AKAP19: variants seen among roughly 807,000 people sequenced by gnomAD.
AKAP19 encodes the protein A-kinase anchoring protein 19, also known as small A-kinase anchoring protein.
At chr2:190,138,639 T>C in the AKAP19 span, among the ~76,000 whole-genome samples, 1 of 152,230 alleles carries the variant, frequency 6.6e-6, no homozygotes, top group African/African-American at 2.4e-5. Context: ...ACCCACTTCC[T>C]CTGTGCCCTC....
chr2:190,138,181 T>C, the AKAP19 span, among the ~76,000 whole-genome samples: 85 of 152,348 alleles, frequency 5.6e-4, no homozygotes, highest in Non-Finnish European at 9.4e-4. Flanking sequence ...GCCTTCTTTG[T>C]GTAGTTACTA....
At chr2:190,081,151 T>C in the AKAP19 span, among the ~76,000 whole-genome samples, 1 of 152,044 alleles carries the variant, frequency 6.6e-6, no homozygotes, top group Non-Finnish European at 1.5e-5. Context: ...GTAAAGAAAA[T>C]GTTCATCAGT....
chr2:190,187,309 G>A, the AKAP19 span, among the ~76,000 whole-genome samples: 1 of 151,964 alleles, frequency 6.6e-6, no homozygotes, highest in Non-Finnish European at 1.5e-5. Context: ...ACATAAAATG[G>A]GACAATGGTA....
the AKAP19 span, among the ~76,000 whole-genome samples, chr2:190,192,776 CAT>C: frequency 1.3e-5 from 2 of 152,030 alleles, no homozygotes; most frequent in South Asian, 4.1e-4. Flanking sequence ...CCTAAGTGTT[CAT>C]GTTTTTGATG....
At chr2:190,191,075 C>T in the AKAP19 span, among the ~76,000 whole-genome samples, 2 of 152,130 alleles carry the variant, frequency 1.3e-5, no homozygotes, top group African/African-American at 2.4e-5. Flanking sequence ...TATTGGTGTA[C>T]ATTAACATCT....
the AKAP19 span, among the ~76,000 whole-genome samples, chr2:189,951,729 G>A: frequency 6.6e-6 from 1 of 152,160 alleles, no homozygotes; most frequent in Non-Finnish European, 1.5e-5. Flanking sequence ...CTTCGTTTTA[G>A]AATAGCATTT....
chr2:190,169,875 A>G, the AKAP19 span, among the ~76,000 whole-genome samples: 1 of 152,136 alleles, frequency 6.6e-6, no homozygotes. Context: ...ATAGCCTTAA[A>G]CTGGTACAGG....
chr2:190,059,109 A>G, the AKAP19 span, among the ~76,000 whole-genome samples: 3 of 151,914 alleles, frequency 2.0e-5, no homozygotes, highest in Admixed American at 6.6e-5. Flanking sequence ...TGCTAATTAT[A>G]TCATCTTTAT....
the AKAP19 span, among the ~76,000 whole-genome samples, chr2:190,101,400 T>C: frequency 6.6e-6 from 1 of 152,156 alleles, no homozygotes; most frequent in Non-Finnish European, 1.5e-5. Context: ...GGGTACCCTA[T>C]CCTGCTCCCC....
the AKAP19 span, among the ~76,000 whole-genome samples, chr2:189,916,690 A>G: frequency 6.6e-6 from 1 of 152,188 alleles, no homozygotes; most frequent in Non-Finnish European, 1.5e-5. Context: ...AATGTTACAT[A>G]ATATGGAATC....
the AKAP19 span, among the ~76,000 whole-genome samples, chr2:190,155,951 G>A: frequency 2.0e-5 from 3 of 152,210 alleles, no homozygotes; most frequent in East Asian, 1.9e-4. Context: ...TCAAGTAAAT[G>A]TAATACAATT....
At chr2:189,939,788 A>G in the AKAP19 span, among the ~76,000 whole-genome samples, 1 of 152,186 alleles carries the variant, frequency 6.6e-6, no homozygotes, top group Non-Finnish European at 1.5e-5. Flanking sequence ...TTCACTAGGA[A>G]CTCTTAAGAG....
the AKAP19 span, among the ~76,000 whole-genome samples, chr2:190,016,978 A>G: frequency 2.0e-5 from 3 of 152,254 alleles, no homozygotes; most frequent in Middle Eastern, 3.4e-3. Flanking sequence ...TTGAGTACAT[A>G]TGTATTTATG....
At chr2:190,085,040 C>A in the AKAP19 span, among the ~76,000 whole-genome samples, 1 of 152,158 alleles carries the variant, frequency 6.6e-6, no homozygotes, top group African/African-American at 2.4e-5. Flanking sequence ...TCTCTTTACA[C>A]CTAGTCAGGG....
the AKAP19 span, chr2:189,923,838 G>T: frequency 1.2e-6 from 2 of 1,610,596 alleles, no homozygotes; most frequent in East Asian, 2.2e-5. Flanking sequence ...GGACAGCGGG[G>T]ATCTTCCAAG....
the AKAP19 span, among the ~76,000 whole-genome samples, chr2:190,052,661 A>C: frequency 1.3e-5 from 2 of 152,228 alleles, no homozygotes; most frequent in African/African-American, 4.8e-5. Context: ...AGTGTCCTTC[A>C]TAAGACGTTA....
chr2:189,915,774 G>A, the AKAP19 span, among the ~76,000 whole-genome samples: 1 of 151,890 alleles, frequency 6.6e-6, no homozygotes, highest in Non-Finnish European at 1.5e-5. Context: ...ATTCTTAAGG[G>A]GCACAATGTT....
At chr2:190,057,307 A>G in the AKAP19 span, 2 of 1,613,436 alleles carry the variant, frequency 1.2e-6, no homozygotes, top group Non-Finnish European at 1.7e-6. Flanking sequence ...TTTCCCATAT[A>G]TTATTTGTTC....
chr2:190,096,217 C>T, the AKAP19 span, among the ~76,000 whole-genome samples: 1 of 152,072 alleles, frequency 6.6e-6, no homozygotes, highest in Non-Finnish European at 1.5e-5. Context: ...ATGTCTCCCA[C>T]GAAAGTCTCC....
Sources: allele counts gnomAD v4.1 joint callset (sites outside exome capture counted in the v4.1 genomes callset), GRCh38; gene constraint gnomAD v4.1.1; transcripts MANE v1.5; gene names NCBI Gene and HGNC (gene_info 2026-07-23, HGNC 2026-07-21).